The following FAM120B variants were observed in gnomAD, a reference collection of about 807,000 sequenced individuals.
The protein encoded by FAM120B is constitutive coactivator of peroxisome proliferator-activated receptor gamma.
FAM120B carries 83 observed loss-of-function variants against 96.3 expected under a neutral mutation model. The observed-to-expected ratio is 0.86, with a 90% CI of 0.72 to 1.03. The LOEUF is 1.03. FAM120B is among the 50% of genes least tolerant of loss of function. FAM120B has a pLI of 0.00. For missense variants in FAM120B, 1,027 were observed against 1,121.2 expected (o/e 0.92, Z 1.20); for synonymous variants, 407 against 402.7 (o/e 1.01, Z -0.13).
rs1490913257 is a variant in FAM120B, at chr6:170,406,438, A to G, written c.*1687A>G. The stretch of plus-strand genomic sequence containing the variant: ...CTGCACTTGACGAATTACCTTGACC[A>G]ACGGGCCAAAGGCACAGAGCTCCAA... On this transcript the variant is annotated 3_prime_UTR_variant, in exon 11 of 11. Transcript: ENST00000476287. The G allele has an allele frequency of 6.6e-6, 1 of 152,212 alleles. No individual in the cohort carries two copies. Among genetic ancestry groups the G allele is most frequent in the Non-Finnish European group, 1.5e-5 (1 of 68,038 alleles). 9.4% of individuals were successfully genotyped at this position (152,212 alleles called of 1,614,324 possible). A position where few individuals can be genotyped will look rare whatever the true frequency, so the allele number is the denominator to read the frequency against.
rs568798676 is a variant in FAM120B, at chr6:170,400,803, A to G, written c.2693-3747A>G. 5.9e-5 allele frequency among the ~76,000 whole-genome samples: 9 copies of G among 152,352 alleles called. 1 individual carries two copies. In the South Asian group the frequency reaches 1.9e-3, roughly 32 times the overall value. On this transcript the variant is annotated intron_variant, in intron 9 of 10. Coordinates refer to ENST00000476287, the MANE Select transcript of FAM120B (RefSeq NM_032448.3). ...TCGCTGTTCTTGCAGAATGAAGTGAAGCAGGAACATCACCAAAGCCTGCAG... is the reference window on the plus strand; with the variant it reads ...TCGCTGTTCTTGCAGAATGAAGTGAGGCAGGAACATCACCAAAGCCTGCAG...
chr6:170,320,558 G>T (rs1785219005), intron 2 of FAM120B, among the ~76,000 whole-genome samples: 1 of 152,180 alleles, frequency 6.6e-6, no homozygotes, highest in Non-Finnish European at 1.5e-5. Flanking sequence ...TTGAGTACCG[G>T]CGATGGTAGA....
At chr6:170,322,654 G>A (rs1785369671) in intron 2 of FAM120B, among the ~76,000 whole-genome samples, 2 of 152,170 alleles carry the variant, frequency 1.3e-5, no homozygotes, top group Non-Finnish European at 2.9e-5. Context: ...AGGATTTGTG[G>A]TAGCCATTCA....
intron 9 of FAM120B, chr6:170,404,313 G>A (rs551774265): frequency 4.2e-5 from 21 of 502,834 alleles, no homozygotes; most frequent in African/African-American, 3.5e-4. Flanking sequence ...GGTGTGAAGA[G>A]GAACAACTTT....
intron 9 of FAM120B, among the ~76,000 whole-genome samples, chr6:170,403,678 C>T (rs1295734690): frequency 2.0e-5 from 3 of 152,056 alleles, no homozygotes; most frequent in African/African-American, 7.2e-5. Context: ...GTTGCTCAGC[C>T]CCGCTGGAAA....
chr6:170,371,921 C>T (rs913901098), intron 6 of FAM120B, among the ~76,000 whole-genome samples: 4 of 152,172 alleles, frequency 2.6e-5, no homozygotes, highest in African/African-American at 4.8e-5. Flanking sequence ...AGGACCTTCA[C>T]GCAGTTTTCA....
At chr6:170,292,533 T>G (rs1043987681), upstream of FAM120B, among the ~76,000 whole-genome samples, 2 of 152,174 alleles carry the variant, frequency 1.3e-5, no homozygotes, top group Admixed American at 6.5e-5. This position sits in a 1 kb window ranked among gnomAD's most constrained non-coding sequence, Gnocchi z 6.6. Context: ...ACTGTAGGTG[T>G]GTTAGAGCTG....
intron 2 of FAM120B, among the ~76,000 whole-genome samples, chr6:170,322,730 A>G (rs1484441518): frequency 6.6e-6 from 1 of 152,104 alleles, no homozygotes; most frequent in East Asian, 1.9e-4. Context: ...GATGGGTTGG[A>G]AAGGGGAGAA....
chr6:170,302,178 C>G (rs1489277671), upstream of FAM120B, among the ~76,000 whole-genome samples: 1 of 152,206 alleles, frequency 6.6e-6, no homozygotes, highest in Non-Finnish European at 1.5e-5. Flanking sequence ...CCTCAGGAAA[C>G]TTACAATCGT....
At position 170,370,026 on chromosome 6, in the gene FAM120B, A is replaced by G. The variant is rs74926876; in HGVS notation, c.2283+11708A>G. 4.4e-3 allele frequency among the ~76,000 whole-genome samples: 667 copies of G among 152,308 alleles called. 2 individuals are homozygous for G. Among genetic ancestry groups the G allele is most frequent in the Non-Finnish European group, 5.8e-3 (393 of 68,006 alleles). On this transcript the variant is annotated intron_variant, in intron 6 of 10. Transcript: ENST00000476287. The surrounding 1 kb of genome is among the most constrained non-coding windows in gnomAD (Gnocchi z 4.3). Reference sequence around the variant, plus strand: ...AAGCAAATTTCAGGATGTAATTTCAATTTTACAAAAAATGTACCTTTTTTG... The same window carrying G: ...AAGCAAATTTCAGGATGTAATTTCAGTTTTACAAAAAATGTACCTTTTTTG...
intron 1 of FAM120B, among the ~76,000 whole-genome samples, chr6:170,297,232 G>A (rs1048782271): frequency 6.6e-6 from 1 of 152,158 alleles, no homozygotes; most frequent in Non-Finnish European, 1.5e-5. Context: ...ATGTCCCCAC[G>A]GGACCCCGCG....
At chr6:170,345,962 C>T (rs755950076) in intron 4 of FAM120B, among the ~76,000 whole-genome samples, 5 of 152,182 alleles carry the variant, frequency 3.3e-5, no homozygotes, top group African/African-American at 7.2e-5. Flanking sequence ...GCCTGTGTCT[C>T]CCAGGCTGCA....
chr6:170,402,663 G>C (rs1778648009), intron 9 of FAM120B, among the ~76,000 whole-genome samples: 1 of 152,204 alleles, frequency 6.6e-6, no homozygotes, highest in African/African-American at 2.4e-5. Flanking sequence ...GAGACAGTTG[G>C]GCTACATGGC....
intron 6 of FAM120B, among the ~76,000 whole-genome samples, chr6:170,385,952 A>C (rs1790162566): frequency 6.6e-6 from 1 of 152,160 alleles, no homozygotes; most frequent in African/African-American, 2.4e-5. Context: ...TAGAAAGATG[A>C]GTGATTGCCA....
chr6:170,393,161 A>AC (rs1479412665), intron 8 of FAM120B, among the ~76,000 whole-genome samples: 2 of 151,526 alleles, frequency 1.3e-5, no homozygotes, highest in Non-Finnish European at 2.9e-5. Context: ...AAAAAAAAAA[A>AC]AAAAAGTCTG....
chr6:170,390,959 C>T (rs1790448247), intron 7 of FAM120B, 54 bp from the exon 8 acceptor site: 1 of 1,452,770 alleles, frequency 6.9e-7, no homozygotes, highest in Middle Eastern at 1.7e-4. Context: ...ACATCTGGCC[C>T]TACTTTGCCA....
In FAM120B at chr6:170,317,665, T is replaced by G. The variant is rs1289245645; in HGVS notation, c.275T>G (p.Met92Arg). The change falls in exon 2 of 11, where the codon ATG (methionine) becomes AGG (arginine). Residue 92 changes from methionine to arginine, a missense_variant. Coordinates refer to ENST00000476287, the MANE Select transcript of FAM120B (RefSeq NM_032448.3). The stretch of plus-strand genomic sequence containing the variant: ...AAGTTGATATTCTTCTTTGATGGCA[T>G]GGTGGAGCAGGATAAGAGAGATGAA... ...GIKLIFFFDG[M>R]VEQDKRDEWV... The G allele has an allele frequency of 1.2e-6, 2 of 1,614,174 alleles. No individual in the cohort carries two copies. Among genetic ancestry groups the G allele is most frequent in the African/African-American group, 1.3e-5 (1 of 75,044 alleles).
At chr6:170,296,357 A>C (rs1222704004) in intron 1 of FAM120B, among the ~76,000 whole-genome samples, 1 of 152,022 alleles carries the variant, frequency 6.6e-6, no homozygotes, top group African/African-American at 2.4e-5. Flanking sequence ...GGCGCCAGGC[A>C]GCATTACGAG....
intron 4 of FAM120B, among the ~76,000 whole-genome samples, chr6:170,332,157 A>G (rs1339012503): frequency 6.6e-6 from 1 of 152,236 alleles, no homozygotes; most frequent in East Asian, 1.9e-4. Context: ...ACTCATTTCC[A>G]CAGCTGTTAC....
Sources: allele counts gnomAD v4.1 joint callset (sites outside exome capture counted in the v4.1 genomes callset), GRCh38; gene constraint gnomAD v4.1.1; non-coding constraint Gnocchi (gnomAD v3.1); transcripts MANE v1.5; gene names NCBI Gene and HGNC (gene_info 2026-07-23, HGNC 2026-07-21).